The following DPP6 variants were observed in gnomAD, a reference collection of about 807,000 sequenced individuals.
DPP6 encodes the protein dipeptidyl peptidase like 6.
Under a neutral mutation model 122.6 loss-of-function variants are expected in DPP6, and 69 were observed. That is an observed-to-expected ratio of 0.56 (90% confidence interval 0.46 to 0.69). DPP6 has a LOEUF of 0.69. Ranked by LOEUF, DPP6 falls within the 30% of genes least tolerant of loss-of-function variation. The probability of loss-of-function intolerance (pLI) is 0.00; values close to 1 mark genes in which losing one functional copy is unlikely to be tolerated. For missense variants in DPP6, 928 were observed against 1,116.9 expected, an observed-to-expected ratio of 0.83 and a Z score of 2.41; for synonymous variants, 418 against 433.1, an observed-to-expected ratio of 0.97 and a Z score of 0.43.
At chr7:153,873,248 C>T in the DPP6 span, among the ~76,000 whole-genome samples, 1 of 152,248 alleles carries the variant, frequency 6.6e-6, no homozygotes, top group South Asian at 2.1e-4. Flanking sequence ...AATCTTTTCA[C>T]CAGGCATCTG....
intron 1 of DPP6, among the ~76,000 whole-genome samples, chr7:154,121,637 C>A (rs562515945): frequency 6.6e-6 from 1 of 152,316 alleles, no homozygotes; most frequent in Non-Finnish European, 1.5e-5. Context: ...CAGAAAAAGA[C>A]ACTTTGTGTG....
chr7:154,314,872 G>A (rs968572721), intron 1 of DPP6, among the ~76,000 whole-genome samples: 1 of 152,194 alleles, frequency 6.6e-6, no homozygotes, highest in African/African-American at 2.4e-5. Flanking sequence ...TAGATAATAT[G>A]AATGGGTTAA....
At chr7:153,985,974 G>A (rs1397179603) in intron 1 of DPP6, among the ~76,000 whole-genome samples, 1 of 152,194 alleles carries the variant, frequency 6.6e-6, no homozygotes. Context: ...AGGCGTCTGA[G>A]TAATCACAGA....
At chr7:153,895,728 GCA>G (rs10599371) in intron 1 of DPP6, among the ~76,000 whole-genome samples, 24,349 of 149,646 alleles carry the variant, frequency 0.16, 3,255 homozygotes, top group African/African-American at 0.37. Context: ...GTGCATGCGT[GCA>G]CACACACACA....
At chr7:154,415,178 A>G (rs909447018) in intron 1 of DPP6, among the ~76,000 whole-genome samples, 9 of 152,158 alleles carry the variant, frequency 5.9e-5, no homozygotes, top group African/African-American at 1.2e-4. Flanking sequence ...AGCACATACT[A>G]TCTAGACCAA....
chr7:154,096,639 C>A (rs1291432264), intron 1 of DPP6, among the ~76,000 whole-genome samples: 4 of 152,018 alleles, frequency 2.6e-5, no homozygotes, highest in Non-Finnish European at 5.9e-5. Context: ...ATAAGAAAAT[C>A]TCTATATTAC....
chr7:154,610,975 A>G (rs1036787904), intron 5 of DPP6, among the ~76,000 whole-genome samples: 37 of 152,150 alleles, frequency 2.4e-4, no homozygotes, highest in Non-Finnish European at 5.3e-4. Context: ...CTCAGTATAA[A>G]TGGTATTTTA....
chr7:154,090,278 C>A (rs1804709043), intron 1 of DPP6, among the ~76,000 whole-genome samples: 1 of 152,126 alleles, frequency 6.6e-6, no homozygotes, highest in African/African-American at 2.4e-5. Context: ...TAATGCTATC[C>A]CCCGACCTGC....
Position 154,540,523 on chromosome 7 carries a change from C to G in DPP6, c.458-9C>G, listed in dbSNP as rs528869521. The G allele has an allele frequency of 1.2e-4, 190 of 1,573,330 alleles. 1 individual carries two copies. In the South Asian group the frequency reaches 1.9e-3, roughly 15 times the overall value. On this transcript the variant is annotated splice_polypyrimidine_tract_variant and intron_variant, in intron 3 of 25. Coordinates refer to ENST00000377770, the MANE Select transcript of DPP6 (RefSeq NM_130797.4). ...TTCATGTGGTTTTTTTCTACTTCCTCTCTTACAGATACAGAATTCATCTAC... is the reference window on the plus strand; with the variant it reads ...TTCATGTGGTTTTTTTCTACTTCCTGTCTTACAGATACAGAATTCATCTAC...
At chr7:153,748,313 A>C in the DPP6 span, among the ~76,000 whole-genome samples, 1 of 150,958 alleles carries the variant, frequency 6.6e-6, no homozygotes, top group Non-Finnish European at 1.5e-5. Flanking sequence ...AGCCCTGCGC[A>C]GGAGCTGTAG....
chr7:154,854,658 C>T (rs1802677891), intron 17 of DPP6, among the ~76,000 whole-genome samples: 1 of 152,186 alleles, frequency 6.6e-6, no homozygotes, highest in Non-Finnish European at 1.5e-5. Flanking sequence ...GAGCCTCACT[C>T]AAGTTTGGTC....
At chr7:154,104,057 C>T (rs572604616) in intron 1 of DPP6, among the ~76,000 whole-genome samples, 8 of 152,364 alleles carry the variant, frequency 5.3e-5, no homozygotes, top group South Asian at 2.1e-4. Context: ...TATACACATA[C>T]ATCCCACAGA....
chr7:154,423,343 T>C (rs555628297), intron 1 of DPP6, among the ~76,000 whole-genome samples: 3 of 152,288 alleles, frequency 2.0e-5, no homozygotes, highest in South Asian at 2.1e-4. Context: ...CTGGCAATTA[T>C]GGAAGTTAGG....
At chr7:153,944,107 A>G (rs946388592) in intron 1 of DPP6, among the ~76,000 whole-genome samples, 5 of 152,140 alleles carry the variant, frequency 3.3e-5, no homozygotes, top group East Asian at 1.9e-4. Context: ...CGAATTATCA[A>G]TTGAAGGAAG....
At chr7:154,234,348 C>G (rs896064148) in intron 1 of DPP6, among the ~76,000 whole-genome samples, 2 of 152,072 alleles carry the variant, frequency 1.3e-5, no homozygotes, top group Non-Finnish European at 2.9e-5. Context: ...TAAGACACTC[C>G]CATCTCTGAG....
chr7:154,741,856 C>T (rs764347586), intron 8 of DPP6, among the ~76,000 whole-genome samples: 4 of 152,236 alleles, frequency 2.6e-5, no homozygotes, highest in African/African-American at 4.8e-5. Context: ...CCTCACCCAC[C>T]GCCATGTGGC....
At chr7:154,564,300 T>C (rs1830604197) in intron 4 of DPP6, among the ~76,000 whole-genome samples, 1 of 152,108 alleles carries the variant, frequency 6.6e-6, no homozygotes, top group Non-Finnish European at 1.5e-5. Flanking sequence ...CAAGGGGAAG[T>C]AGACAGACAG....
intron 1 of DPP6, among the ~76,000 whole-genome samples, chr7:154,441,565 G>A (rs892701717): frequency 5.9e-5 from 9 of 152,262 alleles, no homozygotes; most frequent in African/African-American, 1.9e-4. Context: ...GTCTGATAAA[G>A]GTAGCAAGCA....
intron 17 of DPP6, among the ~76,000 whole-genome samples, chr7:154,862,401 T>C (rs983894899): frequency 6.6e-6 from 1 of 152,250 alleles, no homozygotes; most frequent in Non-Finnish European, 1.5e-5. Flanking sequence ...GTTGCACGCG[T>C]GAGCAGCTGT....
Sources: gnomAD v4.1 joint callset for allele counts (sites outside exome capture counted in the v4.1 genomes callset) on GRCh38, gnomAD v4.1.1 for gene constraint, MANE v1.5 for transcripts, NCBI Gene and HGNC (gene_info 2026-07-23, HGNC 2026-07-21) for gene names.